The following CRTAC1 variants were observed in gnomAD, a reference collection of about 807,000 sequenced individuals.
CRTAC1 encodes the protein cartilage acidic protein 1, also known as acidic secreted protein in cartilage.
In CRTAC1, 37 loss-of-function variants were observed where a neutral mutation model predicts 67.8. The observed-to-expected ratio is 0.55, with a 90% CI of 0.42 to 0.72. CRTAC1 has a LOEUF of 0.72. CRTAC1 is among the 30% of genes least tolerant of loss of function. The probability of loss-of-function intolerance (pLI) is 0.00; values close to 1 mark genes in which losing one functional copy is unlikely to be tolerated. For missense variants in CRTAC1, 780 were observed against 931.6 expected, an observed-to-expected ratio of 0.84 and a Z score of 2.12; for synonymous variants, 348 against 371.0, an observed-to-expected ratio of 0.94 and a Z score of 0.71.
chr10:97,988,393 G>A (rs2052019696), intron 2 of CRTAC1, among the ~76,000 whole-genome samples: 1 of 152,110 alleles, frequency 6.6e-6, no homozygotes, highest in East Asian at 1.9e-4. Context: ...GACTCTGAAC[G>A]ATCTCATGGG....
At chr10:97,956,112 T>A (rs900150440) in intron 2 of CRTAC1, among the ~76,000 whole-genome samples, 6 of 152,332 alleles carry the variant, frequency 3.9e-5, no homozygotes, top group Middle Eastern at 3.4e-3. Flanking sequence ...ATGAAACATG[T>A]GACTTCCAGG....
chr10:97,945,502 T>C (rs1356260972), intron 2 of CRTAC1, among the ~76,000 whole-genome samples: 1 of 152,162 alleles, frequency 6.6e-6, no homozygotes, highest in Non-Finnish European at 1.5e-5. Flanking sequence ...AGAAAACATA[T>C]GGGAAGACAT....
chr10:97,893,783 C>T (rs979152509), intron 11 of CRTAC1, among the ~76,000 whole-genome samples: 2 of 152,132 alleles, frequency 1.3e-5, no homozygotes, highest in Non-Finnish European at 2.9e-5. Context: ...TGCCAACCAC[C>T]AATCTGTTTT....
At chr10:98,002,946 T>C (rs1208901987) in intron 2 of CRTAC1, among the ~76,000 whole-genome samples, 1 of 140,646 alleles carries the variant, frequency 7.1e-6, no homozygotes, top group Non-Finnish European at 1.6e-5. Context: ...ACCCAGCTAA[T>C]TTTTTTTTTT....
chr10:98,019,981 T>G (rs1423171485), intron 1 of CRTAC1, among the ~76,000 whole-genome samples: 1 of 152,246 alleles, frequency 6.6e-6, no homozygotes. Flanking sequence ...GCACCATCTC[T>G]GCTGCCTCTT....
intron 7 of CRTAC1, among the ~76,000 whole-genome samples, chr10:97,902,682 G>A (rs141042165): frequency 9.2e-5 from 14 of 152,308 alleles, no homozygotes; most frequent in African/African-American, 1.4e-4. Context: ...CAGGGCCCAC[G>A]TGGAGAGGGC....
At chr10:97,948,401 G>A (rs1193897488) in intron 2 of CRTAC1, among the ~76,000 whole-genome samples, 3 of 152,182 alleles carry the variant, frequency 2.0e-5, no homozygotes. Context: ...CATGGGAGTG[G>A]ATGGGGCCAC....
intron 8 of CRTAC1, among the ~76,000 whole-genome samples, chr10:97,898,973 C>G (rs1239869119): frequency 1.3e-5 from 2 of 152,082 alleles, no homozygotes; most frequent in Non-Finnish European, 2.9e-5. Flanking sequence ...GCTGAGTTCC[C>G]TGGGTGCTGC....
Position 97,877,782 on chromosome 10 carries a change from C to A in CRTAC1, c.1819+2467G>T, listed in dbSNP as rs373383566. On this transcript the variant is annotated intron_variant, in intron 14 of 14. Coordinates refer to ENST00000370597, the MANE Select transcript of CRTAC1 (RefSeq NM_018058.7). The stretch of plus-strand genomic sequence containing the variant: ...AACAGGATCACATGACACAGATATA[C>A]CCTGTTATATAAAACTCATTGTGAA... Among the ~76,000 whole-genome samples the A allele has an allele frequency of 3.6e-4, 55 of 152,294 alleles. No individual in the cohort carries two copies. The South Asian group carries it at 0.011, about 31-fold the overall frequency.
At chr10:97,923,165 C>G in intron 4 of CRTAC1, 99 bp downstream of exon 4, 2 of 1,424,988 alleles carry the variant, frequency 1.4e-6, no homozygotes, top group South Asian at 2.4e-5. Context: ...TCCAAGACAC[C>G]GCGGGAGACG....
intron 2 of CRTAC1, among the ~76,000 whole-genome samples, chr10:97,955,261 C>T (rs974527365): frequency 2.0e-5 from 3 of 152,186 alleles, no homozygotes; most frequent in African/African-American, 7.2e-5. Context: ...CCTCAAGAAC[C>T]CTGAGTAGAA....
chr10:98,029,675 A>T lies in CRTAC1; in HGVS notation c.24+774T>A, dbSNP rs1843323032. Among the ~76,000 whole-genome samples, 2 of 152,296 alleles carry T rather than the reference A, an allele frequency of 1.3e-5. No individual in the cohort carries two copies. The highest frequency in any genetic ancestry group is 2.9e-5 in the Non-Finnish European group (2 of 68,014). On this transcript the variant is annotated intron_variant, in intron 1 of 14. Coordinates refer to ENST00000370597, the MANE Select transcript of CRTAC1 (RefSeq NM_018058.7). The surrounding 1 kb of genome is among the most constrained non-coding windows in gnomAD (Gnocchi z 4.7). ...GTTGCTTTCTGCAGAAGCGGGACTA[A>T]CCAGGGCTCCCAACTACTGTACTGC... is the stretch of plus-strand genomic sequence containing the variant.
intron 5 of CRTAC1, among the ~76,000 whole-genome samples, chr10:97,911,961 G>A (rs2050693097): frequency 6.6e-6 from 1 of 152,182 alleles, no homozygotes; most frequent in Non-Finnish European, 1.5e-5. Context: ...TTTGAGGCCA[G>A]CGCATTCTCT....
intron 3 of CRTAC1, among the ~76,000 whole-genome samples, chr10:97,929,153 A>T (rs1398019091): frequency 4.6e-5 from 7 of 152,062 alleles, no homozygotes; most frequent in Admixed American, 1.3e-4. Context: ...GGGGGTGAGC[A>T]AGAGCCTGAC....
chr10:97,890,889 A>G (rs574935600), intron 11 of CRTAC1, among the ~76,000 whole-genome samples: 4 of 150,042 alleles, frequency 2.7e-5, no homozygotes, highest in African/African-American at 9.8e-5. Context: ...CTGGTCTCAA[A>G]CTCCTGACCT....
intron 2 of CRTAC1, among the ~76,000 whole-genome samples, chr10:97,941,820 T>A (rs1363802046): frequency 6.6e-6 from 1 of 152,206 alleles, no homozygotes; most frequent in Non-Finnish European, 1.5e-5. Flanking sequence ...TTTTACTGCA[T>A]AAATCAGATC....
intron 1 of CRTAC1, among the ~76,000 whole-genome samples, chr10:98,025,005 G>C (rs1843198853): frequency 6.6e-6 from 1 of 151,900 alleles, no homozygotes; most frequent in South Asian, 2.1e-4. Context: ...CAACAACTCT[G>C]GGGGAATCTG....
chr10:97,931,837 C>G (rs1460415786), intron 3 of CRTAC1, among the ~76,000 whole-genome samples: 1 of 152,126 alleles, frequency 6.6e-6, no homozygotes, highest in African/African-American at 2.4e-5. Flanking sequence ...GTGACCCCCC[C>G]CAGGGGATGG....
At position 97,908,028 on chromosome 10, in the gene CRTAC1, C is replaced by A. The variant is rs1195004950; in HGVS notation, c.835G>T (p.Ala279Ser). Residue 279 changes from alanine (A) to serine (S), a missense_variant, in exon 6 of 15, where the codon GCT becomes TCT. Physicochemically the swap from Ala to Ser is moderately conservative, Grantham distance 99. Coordinates refer to ENST00000370597, the MANE Select transcript of CRTAC1 (RefSeq NM_018058.7). ...CTCCACTCACCAGCACTGGCCGCAG[C>A]GTCCACAAAGGTGCCATCGCCCCGG... Reference protein sequence around the residue: ...HNRGDGTFVDAAASAGVDDPH... With the variant: ...HNRGDGTFVDSAASAGVDDPH... 6.2e-7 allele frequency: 1 copy of A among 1,614,118 alleles called. No homozygotes were observed. Among genetic ancestry groups the A allele is most frequent in the South Asian group, 1.1e-5 (1 of 91,066 alleles).
Sources: gnomAD v4.1 joint callset for allele counts (sites outside exome capture counted in the v4.1 genomes callset) on GRCh38, gnomAD v4.1.1 for gene constraint, Gnocchi (gnomAD v3.1) non-coding constraint, MANE v1.5 for transcripts, NCBI Gene and HGNC (gene_info 2026-07-23, HGNC 2026-07-21) for gene names.